DLGAP2: variants seen among roughly 807,000 people sequenced by gnomAD.
The protein encoded by DLGAP2 is disks large-associated protein 2.
In DLGAP2, 26 loss-of-function variants were observed where a neutral mutation model predicts 100.3. That is an observed-to-expected ratio of 0.26 (90% CI 0.19 to 0.36). The LOEUF is 0.36. DLGAP2 is among the 10% of genes least tolerant of loss of function. The pLI, the probability that DLGAP2 is intolerant of heterozygous loss-of-function variation, is 1.00. For synonymous variants in DLGAP2, 886 were observed against 630.1 expected, an observed-to-expected ratio of 1.41 and a Z score of -6.08; for missense variants, 1,858 against 1,453.2, an observed-to-expected ratio of 1.28 and a Z score of -4.53.
At chr8:1,456,023 T>G (rs938720678) in intron 3 of DLGAP2, among the ~76,000 whole-genome samples, 3 of 152,194 alleles carry the variant, frequency 2.0e-5, no homozygotes, top group Non-Finnish European at 4.4e-5. Flanking sequence ...ACCAGCCCGA[T>G]GGCCGCTCGC....
chr8:1,112,944 C>G (rs1475786616), intron 2 of DLGAP2, among the ~76,000 whole-genome samples: 4 of 152,124 alleles, frequency 2.6e-5, no homozygotes, highest in Admixed American at 2.6e-4. Context: ...ATCCCAGCAC[C>G]CTTTGTTGAC....
At chr8:1,049,942 A>T (rs969831362) in intron 2 of DLGAP2, among the ~76,000 whole-genome samples, 1 of 152,218 alleles carries the variant, frequency 6.6e-6, no homozygotes, top group Non-Finnish European at 1.5e-5. Flanking sequence ...ACACGTGGAT[A>T]TATGCACACA....
intron 6 of DLGAP2, among the ~76,000 whole-genome samples, chr8:1,584,133 G>A (rs1476572110): frequency 6.6e-6 from 1 of 152,112 alleles, no homozygotes; most frequent in African/African-American, 2.4e-5. Context: ...TTCACTGTGA[G>A]GCATTATATG....
At chr8:1,554,350 G>A (rs948696030) in intron 5 of DLGAP2, among the ~76,000 whole-genome samples, 6 of 152,288 alleles carry the variant, frequency 3.9e-5, no homozygotes, top group African/African-American at 1.4e-4. Context: ...TGGAATGCAC[G>A]ATGCTGGCCA....
chr8:1,276,949 C>G (rs1799710468), intron 3 of DLGAP2, among the ~76,000 whole-genome samples: 1 of 152,148 alleles, frequency 6.6e-6, no homozygotes, highest in African/African-American at 2.4e-5. Flanking sequence ...TATAACATCA[C>G]ATATGTTCCT....
At chr8:1,584,325 C>T (rs781019931) in intron 6 of DLGAP2, among the ~76,000 whole-genome samples, 3 of 152,312 alleles carry the variant, frequency 2.0e-5, no homozygotes, top group East Asian at 1.9e-4. Flanking sequence ...TTCACATTCA[C>T]CTGATTTCTT....
At chr8:1,521,086 G>T in intron 4 of DLGAP2, among the ~76,000 whole-genome samples, 1 of 152,272 alleles carries the variant, frequency 6.6e-6, no homozygotes, top group East Asian at 1.9e-4. Flanking sequence ...TTTTAATTTG[G>T]AATACTCGGG....
intron 4 of DLGAP2, among the ~76,000 whole-genome samples, chr8:1,507,762 G>A (rs1004914348): frequency 2.9e-5 from 4 of 135,876 alleles, no homozygotes; most frequent in Non-Finnish European, 4.5e-5. Flanking sequence ...CAGCCACCGA[G>A]TCTTCCTCCT....
chr8:867,474 G>T (rs1382234198), intron 1 of DLGAP2, among the ~76,000 whole-genome samples: 1 of 152,182 alleles, frequency 6.6e-6, no homozygotes, highest in South Asian at 2.1e-4. Context: ...ACCTTCTTTC[G>T]ATACCCAAAC....
At chr8:1,471,609 C>T (rs1798795469) in intron 3 of DLGAP2, among the ~76,000 whole-genome samples, 1 of 151,752 alleles carries the variant, frequency 6.6e-6, no homozygotes, top group Non-Finnish European at 1.5e-5. Context: ...CACCTCCTGC[C>T]CACAGCCCAC....
chr8:988,097 A>G (rs1202707684), intron 2 of DLGAP2, among the ~76,000 whole-genome samples: 1 of 152,150 alleles, frequency 6.6e-6, no homozygotes, highest in Non-Finnish European at 1.5e-5. Flanking sequence ...ATAGGCCCTG[A>G]TGGGAGTTGC....
At chr8:1,145,232 G>C (rs1796586247) in intron 2 of DLGAP2, among the ~76,000 whole-genome samples, 1 of 152,014 alleles carries the variant, frequency 6.6e-6, no homozygotes, top group South Asian at 2.1e-4. Flanking sequence ...CAGAAACACA[G>C]CTTGCCCCAC....
intron 3 of DLGAP2, among the ~76,000 whole-genome samples, chr8:1,456,867 C>T (rs1414243703): frequency 6.6e-6 from 1 of 152,262 alleles, no homozygotes; most frequent in African/African-American, 2.4e-5. Flanking sequence ...CTGGTGAAAT[C>T]GGTTTTGCCA....
At chr8:1,287,131 C>CGTGTGTGTGTGTGTGTGT (rs33910191) in intron 3 of DLGAP2, among the ~76,000 whole-genome samples, 14 of 136,998 alleles carry the variant, frequency 1.0e-4, no homozygotes, top group African/African-American at 3.8e-4. Flanking sequence ...TTCGGTTCAG[C>CGTGTGTGTGTGTGTGTGT]GTGTGTGTGT....
In DLGAP2 at chr8:1,234,460, C is replaced by T. The variant is rs116157229; in HGVS notation, c.74-24391C>T. Among the ~76,000 whole-genome samples, 691 of 152,274 alleles carry T rather than the reference C, an allele frequency of 4.5e-3. 3 individuals carry two copies. Among genetic ancestry groups the T allele is most frequent in the African/African-American group, 0.016 (667 of 41,556 alleles). Reference sequence around the variant, plus strand: ...CCAGTGTCAGCTTTTCATAAGGACACTAGTAATACTGAATCAGGGCCTGTC... The same window carrying T: ...CCAGTGTCAGCTTTTCATAAGGACATTAGTAATACTGAATCAGGGCCTGTC... On this transcript the variant is annotated intron_variant, in intron 2 of 14. Coordinates refer to ENST00000637795, the MANE Select transcript of DLGAP2 (RefSeq NM_001346810.2).
At chr8:1,616,496 G>A (rs758442971) in intron 6 of DLGAP2, among the ~76,000 whole-genome samples, 1 of 152,170 alleles carries the variant, frequency 6.6e-6, no homozygotes, top group African/African-American at 2.4e-5. Flanking sequence ...AAGCAACCAA[G>A]GAAGGGGTCA....
chr8:1,077,049 G>A (rs1231847981), intron 2 of DLGAP2, among the ~76,000 whole-genome samples: 1 of 151,306 alleles, frequency 6.6e-6, no homozygotes, highest in Non-Finnish European at 1.5e-5. Context: ...CCAAGAGGGT[G>A]GAGGAGTCTG....
chr8:1,683,411 G>C (rs936899294), intron 12 of DLGAP2, among the ~76,000 whole-genome samples: 2 of 151,486 alleles, frequency 1.3e-5, no homozygotes, highest in African/African-American at 4.8e-5. Flanking sequence ...CCTTCATCCT[G>C]CCTGTGGGGA....
At chr8:870,308 A>G (rs1797573465) in intron 1 of DLGAP2, among the ~76,000 whole-genome samples, 1 of 152,176 alleles carries the variant, frequency 6.6e-6, no homozygotes, top group Non-Finnish European at 1.5e-5. Context: ...TCTGTCTTCC[A>G]TGCTGACCTC....
Sources: allele counts gnomAD v4.1 joint callset (sites outside exome capture counted in the v4.1 genomes callset), GRCh38; gene constraint gnomAD v4.1.1; transcripts MANE v1.5; gene names NCBI Gene and HGNC (gene_info 2026-07-23, HGNC 2026-07-21).